TAFA4: variants seen among roughly 807,000 people sequenced by gnomAD.
TAFA4 encodes the protein TAFA chemokine like family member 4.
TAFA4 carries 20 observed loss-of-function variants against 21.1 expected under a neutral mutation model. The ratio of observed to expected loss-of-function variants is 0.95; its 90% CI spans 0.67 to 1.38. The LOEUF (loss-of-function observed/expected upper bound fraction) is 1.38, where lower values mean the gene tolerates loss of function less well. Ranked by LOEUF, TAFA4 falls within the 40% of genes most tolerant of loss-of-function variation. TAFA4 has a pLI of 0.00. For synonymous variants in TAFA4, 71 were observed against 67.4 expected, an observed-to-expected ratio of 1.05 and a Z score of -0.26; for missense variants, 211 against 180.9, an observed-to-expected ratio of 1.17 and a Z score of -0.95.
intron 1 of TAFA4, among the ~76,000 whole-genome samples, chr3:68,900,292 T>G (rs1038305195): frequency 7.1e-6 from 1 of 141,720 alleles, no homozygotes; most frequent in Non-Finnish European, 1.5e-5. Flanking sequence ...ACAATAATAA[T>G]AATAATAATA....
chr3:68,876,244 G>A (rs533609113), intron 3 of TAFA4, among the ~76,000 whole-genome samples: 2 of 152,162 alleles, frequency 1.3e-5, no homozygotes, highest in South Asian at 2.1e-4. Context: ...ACTTTTTTCA[G>A]CGCAGCTTTA....
intron 3 of TAFA4, among the ~76,000 whole-genome samples, chr3:68,755,969 G>A (rs1048163206): frequency 4.6e-5 from 7 of 152,176 alleles, no homozygotes; most frequent in East Asian, 1.9e-4. Context: ...GGACTACATA[G>A]CCAGGAGCTA....
intron 3 of TAFA4, among the ~76,000 whole-genome samples, chr3:68,779,476 G>A (rs1703112826): frequency 6.6e-6 from 1 of 152,114 alleles, no homozygotes; most frequent in South Asian, 2.1e-4. Context: ...AGGAAAAAAT[G>A]GTTTCATGAG....
chr3:68,757,925 ATT>A (rs908364376), intron 3 of TAFA4, among the ~76,000 whole-genome samples: 1 of 150,068 alleles, frequency 6.7e-6, no homozygotes, highest in East Asian at 1.9e-4. Context: ...TACTGTTTGA[ATT>A]TTTTTTTTGT....
intron 1 of TAFA4, among the ~76,000 whole-genome samples, chr3:68,930,187 T>A (rs900726631): frequency 6.6e-6 from 1 of 152,174 alleles, no homozygotes; most frequent in African/African-American, 2.4e-5. Context: ...AATACACATG[T>A]CTAAAAAGAT....
At chr3:68,919,558 G>A (rs1464099219) in intron 1 of TAFA4, among the ~76,000 whole-genome samples, 1 of 152,002 alleles carries the variant, frequency 6.6e-6, no homozygotes, top group Non-Finnish European at 1.5e-5. Context: ...CACATACATG[G>A]CTATTTAAGT....
At chr3:68,869,508 C>T (rs1197610185) in intron 3 of TAFA4, among the ~76,000 whole-genome samples, 1 of 152,002 alleles carries the variant, frequency 6.6e-6, no homozygotes, top group Non-Finnish European at 1.5e-5. Flanking sequence ...AGATCATTCA[C>T]CATGATCAAA....
intron 3 of TAFA4, among the ~76,000 whole-genome samples, chr3:68,801,981 C>T (rs993462419): frequency 1.3e-5 from 2 of 151,966 alleles, no homozygotes; most frequent in Non-Finnish European, 2.9e-5. Flanking sequence ...CAGTGTGGTA[C>T]AAGATGCAAG....
At position 68,732,709 on chromosome 3, in the gene TAFA4, A is replaced by T. The variant is rs1255059572; in HGVS notation, c.*433T>A. The stretch of plus-strand genomic sequence containing the variant: ...ATATGTTTTGCCAAAATCTTTTTAG[A>T]CCCCTTTAAAACCACTTTAATACAA... On this transcript the variant is annotated 3_prime_UTR_variant, in exon 6 of 6. Coordinates refer to ENST00000295569, the MANE Select transcript of TAFA4 (RefSeq NM_182522.5). The T allele has an allele frequency of 6.3e-6, 1 of 159,312 alleles. No individual in the cohort carries two copies. Among genetic ancestry groups the T allele is most frequent in the African/African-American group, 2.4e-5 (1 of 41,766 alleles). 9.9% of individuals were successfully genotyped at this position (159,312 alleles called of 1,614,324 possible). A position where few individuals can be genotyped will look rare whatever the true frequency, so the allele number is the denominator to read the frequency against.
chr3:68,780,436 G>T (rs961496140), intron 3 of TAFA4, among the ~76,000 whole-genome samples: 3 of 152,186 alleles, frequency 2.0e-5, no homozygotes, highest in African/African-American at 7.2e-5. Context: ...CATGTAGTGG[G>T]GGAGGGACCC....
intron 3 of TAFA4, among the ~76,000 whole-genome samples, chr3:68,870,324 T>G (rs2089468191): frequency 6.6e-6 from 1 of 152,014 alleles, no homozygotes; most frequent in Non-Finnish European, 1.5e-5. Flanking sequence ...CCAGTAACAT[T>G]CTTCACAAAA....
intron 3 of TAFA4, among the ~76,000 whole-genome samples, chr3:68,809,588 T>G (rs11128092): frequency 0.65 from 96,081 of 147,538 alleles, 31,698 homozygotes; most frequent in East Asian, 0.98. Flanking sequence ...TTCTATTTTT[T>G]CTTTTGTTGC....
intron 2 of TAFA4, among the ~76,000 whole-genome samples, chr3:68,883,742 C>A (rs370874614): frequency 6.6e-6 from 1 of 152,046 alleles, no homozygotes; most frequent in Non-Finnish European, 1.5e-5. Context: ...TAACCAGCAA[C>A]GTATGGGACT....
intron 1 of TAFA4, among the ~76,000 whole-genome samples, chr3:68,929,670 G>C (rs13327288): frequency 0.03 from 4,590 of 152,276 alleles, 238 homozygotes; most frequent in African/African-American, 0.1. Context: ...TGAAAAACTC[G>C]CAAAGAGGAA....
At chr3:68,917,754 A>C (rs1182018581) in intron 1 of TAFA4, among the ~76,000 whole-genome samples, 24 of 87,398 alleles carry the variant, frequency 2.7e-4, no homozygotes, top group African/African-American at 1.1e-3. Flanking sequence ...ACTCTGTCTC[A>C]AAAAAAAAAA....
intron 3 of TAFA4, among the ~76,000 whole-genome samples, chr3:68,765,645 C>T (rs1054968408): frequency 2.0e-5 from 3 of 152,154 alleles, no homozygotes; most frequent in Non-Finnish European, 4.4e-5. Context: ...GAGTAACCGC[C>T]TGTGTGTATC....
chr3:68,923,529 G>A (rs1396826127), intron 1 of TAFA4, among the ~76,000 whole-genome samples: 1 of 152,104 alleles, frequency 6.6e-6, no homozygotes. Context: ...AATTGTCATG[G>A]CATTTAAAAA....
At chr3:68,784,149 TTAAAA>T (rs1288215623) in intron 3 of TAFA4, among the ~76,000 whole-genome samples, 1 of 152,186 alleles carries the variant, frequency 6.6e-6, no homozygotes, top group Non-Finnish European at 1.5e-5. Context: ...GAAGCAAAAA[TTAAAA>T]TAATTCTGAC....
intron 3 of TAFA4, among the ~76,000 whole-genome samples, chr3:68,756,551 C>T (rs909578213): frequency 6.6e-6 from 1 of 152,118 alleles, no homozygotes; most frequent in Non-Finnish European, 1.5e-5. Context: ...ACAATAACCT[C>T]GATATTATTC....
Sources: gnomAD v4.1 joint callset for allele counts (sites outside exome capture counted in the v4.1 genomes callset) on GRCh38, gnomAD v4.1.1 for gene constraint, MANE v1.5 for transcripts, NCBI Gene and HGNC (gene_info 2026-07-23, HGNC 2026-07-21) for gene names.